Variants in FRYL observed in about 807,000 individuals in gnomAD.
FRYL encodes the protein protein furry homolog-like.
Under a neutral mutation model 351.2 loss-of-function variants are expected in FRYL, and 150 were observed. The observed-to-expected ratio is 0.43, with a 90% CI of 0.37 to 0.49. FRYL has a LOEUF of 0.49. Ranked by LOEUF, FRYL falls within the 20% of genes least tolerant of loss-of-function variation. FRYL has a pLI of 0.00. For missense variants in FRYL, 3,036 were observed against 3,619.3 expected (o/e 0.84, Z 4.13); for synonymous variants, 1,153 against 1,257.1 (o/e 0.92, Z 1.75).
Position 48,634,275 on chromosome 4 carries a change from G to A in FRYL, c.120+16C>T, listed in dbSNP as rs1467029321. On this transcript the variant is annotated intron_variant, in intron 4 of 63. Coordinates refer to ENST00000358350, the MANE Select transcript of FRYL (RefSeq NM_015030.2). ...GTCAAGAAAATATTTCAGATTTATAGGTCAGCTGTACTCACCAAGGGTTCG... is the reference window on the plus strand; with the variant it reads ...GTCAAGAAAATATTTCAGATTTATAAGTCAGCTGTACTCACCAAGGGTTCG... 1 of 1,578,930 alleles carries A rather than the reference G, an allele frequency of 6.3e-7. No individual in the cohort carries two copies. Among genetic ancestry groups the A allele is most frequent in the Admixed American group, 1.7e-5 (1 of 59,786 alleles).
chr4:48,499,000 T>A lies in FRYL; in HGVS notation c.*422A>T. 1 of 180,390 alleles carries A rather than the reference T, an allele frequency of 5.5e-6. No homozygotes were observed. Among genetic ancestry groups the A allele is most frequent in the Non-Finnish European group, 1.2e-5 (1 of 85,082 alleles). The allele number at this position is 180,390 out of a possible 1,614,324, so 11.2% of individuals were successfully genotyped here. A position where few individuals can be genotyped will look rare whatever the true frequency, so the allele number is the denominator to read the frequency against. ...AGGTTAGGTTTTCAACTGCTAGAAATCCAAGCAGCTTTGCAGGTCTTCAGC... is the reference window on the plus strand; with the variant it reads ...AGGTTAGGTTTTCAACTGCTAGAAAACCAAGCAGCTTTGCAGGTCTTCAGC... On this transcript the variant is annotated 3_prime_UTR_variant, in exon 64 of 64. Transcript: ENST00000358350.
chr4:48,569,508 T>G (rs187098471), intron 27 of FRYL, among the ~76,000 whole-genome samples: 184 of 152,352 alleles, frequency 1.2e-3, no homozygotes, highest in African/African-American at 4.2e-3. Context: ...GGTTTCGCCA[T>G]GTTGGCCAGG....
chr4:48,727,498 T>C (rs1214604221), intron 1 of FRYL: 2 of 152,118 alleles, frequency 1.3e-5, no homozygotes, highest in African/African-American at 4.8e-5. Context: ...TGACCTGTAA[T>C]TGACAAATTG....
In FRYL at chr4:48,531,323, A is replaced by G; in HGVS notation, c.6736T>C (p.Leu2246=). ...SPYWKEALNI[L]KLVVSRSASL... ...GCAGAGCGTGACACCACCAGCTTTA[A>G]TATGTTAAGGGCTTCCTTCCAGTAA... The change falls in exon 50 of 64, where the codon TTA becomes CTA. Residue 2246 remains leucine, a synonymous_variant. Transcript: ENST00000358350. The G allele has an allele frequency of 6.2e-7, 1 of 1,613,702 alleles. No individual in the cohort carries two copies. Among genetic ancestry groups the G allele is most frequent in the Non-Finnish European group, 8.5e-7 (1 of 1,179,668 alleles).
rs780077331 is a variant in FRYL, at chr4:48,634,480, T to C, written c.-70A>G. On this transcript the variant is annotated 5_prime_UTR_variant, in exon 4 of 64. Coordinates refer to ENST00000358350, the MANE Select transcript of FRYL (RefSeq NM_015030.2). ...CACAGTATTTATTTACTTTGCTGAC[T>C]GGCGCTGAAGCTAAAAGTAAAAGAA... The C allele has an allele frequency of 1.2e-6, 2 of 1,610,044 alleles. No homozygotes were observed. The highest frequency in any genetic ancestry group is 4.5e-5 in the East Asian group (2 of 44,700).
chr4:48,553,484 T>C (rs1314679485), intron 35 of FRYL, 101 bp from the exon 36 acceptor site: 4 of 739,442 alleles, frequency 5.4e-6, no homozygotes, highest in Non-Finnish European at 9.1e-6. Flanking sequence ...CTTTAAGTGG[T>C]AGATGAATAA....
intron 7 of FRYL, among the ~76,000 whole-genome samples, chr4:48,615,569 T>C (rs1431153804): frequency 6.6e-6 from 1 of 152,212 alleles, no homozygotes; most frequent in Non-Finnish European, 1.5e-5. Context: ...ATCTAAGCCC[T>C]TTGGTACAAA....
chr4:48,544,006 G>C lies in FRYL; in HGVS notation c.5402-9C>G. The C allele has an allele frequency of 6.2e-7, 1 of 1,611,780 alleles. No homozygotes were observed. Among genetic ancestry groups the C allele is most frequent in the South Asian group, 1.1e-5 (1 of 90,934 alleles). ...TTCCAGATGAATTCCTTCTGTGAAT[G>C]CAAAGGAAACGAGTAGGTTGTTCTT... is the stretch of plus-strand genomic sequence containing the variant. On this transcript the variant is annotated splice_polypyrimidine_tract_variant and intron_variant, in intron 43 of 63. Transcript: ENST00000358350.
chr4:48,528,441 A>C, intron 50 of FRYL, 105 bp from the exon 51 acceptor site: 1 of 740,258 alleles, frequency 1.4e-6, no homozygotes, highest in South Asian at 3.8e-5. Flanking sequence ...ATAAAAAAAA[A>C]GATGAGGAGA....
Position 48,586,676 on chromosome 4 carries a change from G to C in FRYL, c.1693C>G (p.Pro565Ala). ...DLFRTCIAAI[P>A]RLIPDGMSRT... Reference sequence around the variant, plus strand: ...CTCATACCGTCAGGAATCAACCTTGGAATCGCAGCAATACAAGTTCTAAAC... The same window carrying C: ...CTCATACCGTCAGGAATCAACCTTGCAATCGCAGCAATACAAGTTCTAAAC... The change falls in exon 19 of 64, where the codon CCA becomes GCA. Residue 565 changes from proline (P) to alanine (A), a missense_variant. Transcript: ENST00000358350. 1 of 1,611,584 alleles carries C rather than the reference G, an allele frequency of 6.2e-7. No homozygotes were observed. Among genetic ancestry groups the C allele is most frequent in the Non-Finnish European group, 8.5e-7 (1 of 1,179,018 alleles).
intron 2 of FRYL, among the ~76,000 whole-genome samples, chr4:48,699,659 A>G (rs1766534034): frequency 6.6e-6 from 1 of 152,170 alleles, no homozygotes; most frequent in African/African-American, 2.4e-5. Flanking sequence ...AAAATGTGAC[A>G]AAGTAAACAA....
chr4:48,702,183 T>C (rs1346864278), intron 2 of FRYL, among the ~76,000 whole-genome samples: 2 of 152,008 alleles, frequency 1.3e-5, no homozygotes, highest in East Asian at 1.9e-4. Flanking sequence ...AGGCCAGGTA[T>C]GGTGGCTCAT....
intron 55 of FRYL, among the ~76,000 whole-genome samples, chr4:48,519,489 TTC>T (rs1185797012): frequency 1.2e-4 from 17 of 140,548 alleles, no homozygotes; most frequent in African/African-American, 3.0e-4. Context: ...GAAATGTAAT[TTC>T]TTTTTTTTTT....
intron 18 of FRYL, among the ~76,000 whole-genome samples, chr4:48,588,476 T>C (rs1347857668): frequency 6.6e-6 from 1 of 152,154 alleles, no homozygotes; most frequent in Non-Finnish European, 1.5e-5. Flanking sequence ...TCCATATGGA[T>C]ACCTAGATGC....
At chr4:48,714,380 C>A (rs1433596590) in intron 1 of FRYL, among the ~76,000 whole-genome samples, 9 of 131,146 alleles carry the variant, frequency 6.9e-5, no homozygotes, top group African/African-American at 1.6e-4. Flanking sequence ...GCTAGCAAGA[C>A]TAATAAAGAA....
chr4:48,677,795 C>T (rs1359486670), intron 3 of FRYL, among the ~76,000 whole-genome samples: 1 of 152,130 alleles, frequency 6.6e-6, no homozygotes, highest in East Asian at 1.9e-4. Flanking sequence ...AGATTACATG[C>T]CATTTTTTTC....
At position 48,525,869 on chromosome 4, in the gene FRYL, T is replaced by C. The variant is rs188631159; in HGVS notation, c.7317+1608A>G. On this transcript the variant is annotated intron_variant, in intron 53 of 63. Coordinates refer to ENST00000358350, the MANE Select transcript of FRYL (RefSeq NM_015030.2). ...TTGATGAATGTGTATGAGCTGTATA[T>C]GAGTAGTATATGTATATATGTACAT... 6.5e-4 allele frequency among the ~76,000 whole-genome samples: 99 copies of C among 152,152 alleles called. No individual in the cohort carries two copies. The Middle Eastern group carries it at 0.01, about 16-fold the overall frequency.
rs59845967 is a variant in FRYL, at chr4:48,651,289, CTGTGTGTGTGTGTG to C, written c.-80-16813_-80-16800del. ...GTAGAAACAGGATCTCAGGATCTCA[CTGTGTGTGTGTGTG>C]TGTGTGTGTGTGTGTGTGTGTGTGT... is the stretch of plus-strand genomic sequence containing the variant. On this transcript the variant is annotated intron_variant, in intron 3 of 63. Transcript: ENST00000358350. 9.9e-3 allele frequency among the ~76,000 whole-genome samples: 617 copies of C among 62,396 alleles called. 10 individuals are homozygous for C. The highest frequency in any genetic ancestry group is 0.036 in the Middle Eastern group (4 of 110). 40.9% of individuals were successfully genotyped at this position (62,396 alleles called of 152,430 possible). A position where few individuals can be genotyped will look rare whatever the true frequency, so the allele number is the denominator to read the frequency against.
chr4:48,571,571 A>G, intron 26 of FRYL: 1 of 780,460 alleles, frequency 1.3e-6, no homozygotes, highest in Non-Finnish European at 1.6e-6. Context: ...TAATTTTCAT[A>G]TTACAGAGCA....
Sources: gnomAD v4.1 joint callset for allele counts (sites outside exome capture counted in the v4.1 genomes callset) on GRCh38, gnomAD v4.1.1 for gene constraint, MANE v1.5 for transcripts, NCBI Gene and HGNC (gene_info 2026-07-23, HGNC 2026-07-21) for gene names.